The following ATRNL1 variants were observed in gnomAD, a reference collection of about 807,000 sequenced individuals.
ATRNL1 encodes attractin-like protein 1.
ATRNL1 carries 95 observed loss-of-function variants against 182.7 expected under a neutral mutation model. That is an observed-to-expected ratio of 0.52 (90% confidence interval 0.44 to 0.62). The LOEUF is 0.62. ATRNL1 is among the 20% of genes least tolerant of loss of function. The probability of loss-of-function intolerance (pLI) is 0.00; values close to 1 mark genes in which losing one functional copy is unlikely to be tolerated. For missense variants in ATRNL1, 1,471 were observed against 1,679.5 expected (o/e 0.88, Z 2.17); for synonymous variants, 576 against 568.3 (o/e 1.01, Z -0.19).
At chr10:115,717,545 G>GTTTTTT (rs1555056622) in intron 26 of ATRNL1, among the ~76,000 whole-genome samples, 1 of 65,230 alleles carries the variant, frequency 1.5e-5, no homozygotes, top group Admixed American at 2.0e-4. Context: ...TGCCTGAAAT[G>GTTTTTT]TTCTTTTTTT....
chr10:115,268,787 A>T (rs2165988), intron 13 of ATRNL1, among the ~76,000 whole-genome samples: 100,999 of 152,072 alleles, frequency 0.66, 34,386 homozygotes, highest in Non-Finnish European at 0.74. Flanking sequence ...TGAAATAATT[A>T]CCATTGGATT....
At chr10:115,153,998 G>A (rs1275991655) in intron 5 of ATRNL1, among the ~76,000 whole-genome samples, 2 of 151,282 alleles carry the variant, frequency 1.3e-5, no homozygotes, top group African/African-American at 2.4e-5. Flanking sequence ...AAGTTGTTCA[G>A]TTTCCATGTA....
chr10:115,305,250 A>T (rs1252199637), intron 17 of ATRNL1, among the ~76,000 whole-genome samples: 1 of 152,136 alleles, frequency 6.6e-6, no homozygotes, highest in African/African-American at 2.4e-5. Flanking sequence ...TATTTGGTCC[A>T]TAGTGGGCAC....
intron 8 of ATRNL1, among the ~76,000 whole-genome samples, chr10:115,210,128 G>A (rs1848963929): frequency 6.6e-6 from 1 of 151,960 alleles, no homozygotes; most frequent in African/African-American, 2.4e-5. Flanking sequence ...ATCACTAGTA[G>A]TGAACATTAT....
At chr10:115,490,532 A>G (rs768452120) in intron 24 of ATRNL1, among the ~76,000 whole-genome samples, 1 of 152,072 alleles carries the variant, frequency 6.6e-6, no homozygotes, top group Non-Finnish European at 1.5e-5. Flanking sequence ...ATAGATGTGT[A>G]TGCCTCACGA....
chr10:115,750,583 A>C (rs1555070405), intron 27 of ATRNL1, among the ~76,000 whole-genome samples: 1 of 151,908 alleles, frequency 6.6e-6, no homozygotes, highest in Non-Finnish European at 1.5e-5. Flanking sequence ...TAAATCCAGA[A>C]GCAATAAAGG....
chr10:115,198,496 G>A (rs782413800), intron 8 of ATRNL1, among the ~76,000 whole-genome samples: 5 of 151,966 alleles, frequency 3.3e-5, no homozygotes, highest in African/African-American at 7.2e-5. Flanking sequence ...TCCTTGCTAT[G>A]CAGAAGCTTG....
In ATRNL1 at chr10:115,126,057, TTTTG is replaced by T. The variant is rs572577658; in HGVS notation, c.492-1524_492-1521del. On this transcript the variant is annotated intron_variant, in intron 3 of 28. Coordinates refer to ENST00000355044, the MANE Select transcript of ATRNL1 (RefSeq NM_207303.4). ...CAAAAAACCAAACAGATCTATTCTT[TTTTG>T]TTTGTTTGTTTTTTTGAGACGGAGT... is the stretch of plus-strand genomic sequence containing the variant. Among the ~76,000 whole-genome samples, 590 of 152,330 alleles carry T rather than the reference TTTTG, an allele frequency of 3.9e-3. 3 individuals are homozygous for T. Among genetic ancestry groups the T allele is most frequent in the African/African-American group, 0.014 (565 of 41,574 alleles).
chr10:115,404,272 C>A (rs1237385917), intron 20 of ATRNL1, among the ~76,000 whole-genome samples: 1 of 152,108 alleles, frequency 6.6e-6, no homozygotes, highest in East Asian at 1.9e-4. Flanking sequence ...TGAAAACATT[C>A]TGAACACAAC....
chr10:115,376,129 C>G (rs1446703300), intron 19 of ATRNL1, among the ~76,000 whole-genome samples: 1 of 151,870 alleles, frequency 6.6e-6, no homozygotes, highest in African/African-American at 2.4e-5. Context: ...TGTTTTTTTC[C>G]TGTAAGCAAT....
intron 19 of ATRNL1, among the ~76,000 whole-genome samples, chr10:115,337,013 C>T (rs1201341610): frequency 4.0e-5 from 6 of 150,288 alleles, no homozygotes; most frequent in African/African-American, 1.5e-4. Flanking sequence ...GCCACCATGC[C>T]TAGCTAATTT....
intron 8 of ATRNL1, among the ~76,000 whole-genome samples, chr10:115,183,050 A>G (rs1847807944): frequency 6.6e-6 from 1 of 151,488 alleles, no homozygotes; most frequent in African/African-American, 2.4e-5. Flanking sequence ...CTGAATATAT[A>G]TATAAAAAAT....
At chr10:115,258,076 A>G (rs1243590551) in intron 10 of ATRNL1, among the ~76,000 whole-genome samples, 1 of 152,062 alleles carries the variant, frequency 6.6e-6, no homozygotes, top group Non-Finnish European at 1.5e-5. Flanking sequence ...GAATCCAACA[A>G]TTATGTGTCT....
chr10:115,907,657 G>A (rs1170125977), intron 28 of ATRNL1, among the ~76,000 whole-genome samples: 12 of 151,938 alleles, frequency 7.9e-5, no homozygotes, highest in African/African-American at 2.7e-4. Context: ...CAAGTAAGCA[G>A]GATCATTGCA....
chr10:115,282,683 C>T (rs1034501753), intron 14 of ATRNL1, among the ~76,000 whole-genome samples: 8 of 152,012 alleles, frequency 5.3e-5, no homozygotes, highest in Non-Finnish European at 8.8e-5. Flanking sequence ...AACTGAGATC[C>T]ATGCTGGTTA....
chr10:115,679,327 T>G (rs1945972642), intron 26 of ATRNL1, among the ~76,000 whole-genome samples: 1 of 152,074 alleles, frequency 6.6e-6, no homozygotes, highest in East Asian at 1.9e-4. Context: ...TGGTTTTTTT[T>G]TTAATTCCAG....
chr10:115,843,931 C>G (rs1271235678), intron 27 of ATRNL1, among the ~76,000 whole-genome samples: 6 of 152,040 alleles, frequency 3.9e-5, no homozygotes, highest in Admixed American at 2.6e-4. Flanking sequence ...CCTATTAGGT[C>G]TACAACTTTA....
At chr10:115,682,678 G>A (rs1175908946) in intron 26 of ATRNL1, among the ~76,000 whole-genome samples, 1 of 151,446 alleles carries the variant, frequency 6.6e-6, no homozygotes, top group African/African-American at 2.4e-5. Flanking sequence ...ATATGATGAT[G>A]ATGATGATGA....
intron 27 of ATRNL1, among the ~76,000 whole-genome samples, chr10:115,805,800 C>T (rs1949908094): frequency 6.6e-6 from 1 of 151,926 alleles, no homozygotes; most frequent in Non-Finnish European, 1.5e-5. Context: ...AAAAATCATC[C>T]CAATAATAAC....
Sources: allele counts gnomAD v4.1 joint callset (sites outside exome capture counted in the v4.1 genomes callset), GRCh38; gene constraint gnomAD v4.1.1; transcripts MANE v1.5; gene names NCBI Gene and HGNC (gene_info 2026-07-23, HGNC 2026-07-21).